SH3GL3: variants seen among roughly 807,000 people sequenced by gnomAD.
The protein encoded by SH3GL3 is SH3 domain containing GRB2 like 3, endophilin A3.
A neutral mutation model predicts 47.7 loss-of-function variants in SH3GL3; 33 were observed. The ratio of observed to expected loss-of-function variants is 0.69; its 90% CI spans 0.52 to 0.92. SH3GL3 has a LOEUF of 0.92. SH3GL3 is among the 40% of genes least tolerant of loss of function. The probability of loss-of-function intolerance (pLI) is 0.00; values close to 1 mark genes in which losing one functional copy is unlikely to be tolerated. For synonymous variants in SH3GL3, 155 were observed against 148.8 expected, an observed-to-expected ratio of 1.04 and a Z score of -0.30; for missense variants, 363 against 417.8, an observed-to-expected ratio of 0.87 and a Z score of 1.14.
At chr15:83,481,913 A>G (rs1194207050) in intron 1 of SH3GL3, among the ~76,000 whole-genome samples, 2 of 152,162 alleles carry the variant, frequency 1.3e-5, no homozygotes, top group Non-Finnish European at 2.9e-5. Context: ...TGTGGGAAGG[A>G]GTCATTTTAA....
chr15:83,541,565 C>T (rs565409937), intron 1 of SH3GL3, among the ~76,000 whole-genome samples: 2 of 151,974 alleles, frequency 1.3e-5, no homozygotes, highest in Non-Finnish European at 2.9e-5. Context: ...TGTTCTCCAT[C>T]GTGGTTGTAC....
At chr15:83,587,673 CA>C (rs2059990886) in intron 7 of SH3GL3, among the ~76,000 whole-genome samples, 1 of 151,920 alleles carries the variant, frequency 6.6e-6, no homozygotes, top group African/African-American at 2.4e-5. Flanking sequence ...TTGAAAGAGT[CA>C]AAAATATCTT....
chr15:83,558,967 T>C (rs763083398), intron 1 of SH3GL3, among the ~76,000 whole-genome samples: 18 of 152,240 alleles, frequency 1.2e-4, no homozygotes, highest in Non-Finnish European at 2.1e-4. Flanking sequence ...GGGTGAACTG[T>C]GTGTTCCTTG....
intron 1 of SH3GL3, among the ~76,000 whole-genome samples, chr15:83,479,928 A>G (rs915552236): frequency 6.6e-6 from 1 of 152,192 alleles, no homozygotes; most frequent in Non-Finnish European, 1.5e-5. Context: ...AATTGAACTG[A>G]TATGTGTAAG....
intron 1 of SH3GL3, among the ~76,000 whole-genome samples, chr15:83,523,357 T>C (rs2043286002): frequency 6.6e-6 from 1 of 152,136 alleles, no homozygotes; most frequent in Non-Finnish European, 1.5e-5. Context: ...AGGGCAGAGT[T>C]CTGTGGGAGA....
At chr15:83,461,146 C>G (rs908901599) in intron 1 of SH3GL3, among the ~76,000 whole-genome samples, 3 of 151,608 alleles carry the variant, frequency 2.0e-5, no homozygotes, top group African/African-American at 7.3e-5. Flanking sequence ...TTGTTTGTTA[C>G]AATGAATTCT....
At chr15:83,610,998 T>A (rs532152691) in intron 8 of SH3GL3, among the ~76,000 whole-genome samples, 21 of 149,774 alleles carry the variant, frequency 1.4e-4, no homozygotes, top group African/African-American at 5.1e-4. Context: ...TATATATATA[T>A]AATATGTATG....
At position 83,467,216 on chromosome 15, in the gene SH3GL3, T is replaced by A. The variant is rs186617398; in HGVS notation, c.45+19638T>A. Among the ~76,000 whole-genome samples the A allele has an allele frequency of 4.5e-3, 678 of 152,356 alleles. 6 individuals carry two copies. The highest frequency in any genetic ancestry group is 0.016 in the African/African-American group (654 of 41,594). On this transcript the variant is annotated intron_variant, in intron 1 of 8. Transcript: ENST00000427482. ...GTAATCCATTTTGAATTAATTTTTT[T>A]AATAAAGTGTGAGACTTAGGTTGTT... is the stretch of plus-strand genomic sequence containing the variant.
At chr15:83,464,952 C>A (rs2040491245) in intron 1 of SH3GL3, among the ~76,000 whole-genome samples, 1 of 150,186 alleles carries the variant, frequency 6.7e-6, no homozygotes, top group Non-Finnish European at 1.5e-5. Flanking sequence ...ATGTAACAAA[C>A]CTGCACATTG....
chr15:83,593,536 A>G (rs565258122), intron 8 of SH3GL3, among the ~76,000 whole-genome samples: 115 of 152,230 alleles, frequency 7.6e-4, no homozygotes, highest in African/African-American at 2.7e-3. Context: ...TGATTTTTGT[A>G]TATTGATCTT....
intron 1 of SH3GL3, among the ~76,000 whole-genome samples, chr15:83,461,216 C>T (rs2040281521): frequency 6.6e-6 from 1 of 152,132 alleles, no homozygotes; most frequent in Non-Finnish European, 1.5e-5. Context: ...TGATTTTTCT[C>T]ATAAAGTCAT....
intron 8 of SH3GL3, among the ~76,000 whole-genome samples, chr15:83,589,894 G>C (rs2060049930): frequency 6.6e-6 from 1 of 152,056 alleles, no homozygotes; most frequent in South Asian, 2.1e-4. Flanking sequence ...CTTTATCACT[G>C]TGCTGGCTAC....
intron 1 of SH3GL3, among the ~76,000 whole-genome samples, chr15:83,482,234 CCAT>C (rs1302018122): frequency 1.3e-5 from 2 of 152,028 alleles, no homozygotes; most frequent in African/African-American, 4.8e-5. Flanking sequence ...ATATATTAAT[CCAT>C]CATCATATAT....
chr15:83,501,538 T>A (rs2042293365), intron 1 of SH3GL3, among the ~76,000 whole-genome samples: 1 of 152,212 alleles, frequency 6.6e-6, no homozygotes, highest in African/African-American at 2.4e-5. Flanking sequence ...ATTTCGTGTT[T>A]GGGTGCAAGA....
chr15:83,581,254 C>T (rs932527010), intron 6 of SH3GL3, among the ~76,000 whole-genome samples: 1 of 152,184 alleles, frequency 6.6e-6, no homozygotes, highest in African/African-American at 2.4e-5. Context: ...GTTTTCTGGC[C>T]AACAGGCCAT....
intron 1 of SH3GL3, among the ~76,000 whole-genome samples, chr15:83,476,232 A>G (rs2041090146): frequency 6.6e-6 from 1 of 152,230 alleles, no homozygotes; most frequent in South Asian, 2.1e-4. Flanking sequence ...ATACAGTTGG[A>G]AAGTGATCTT....
chr15:83,467,930 C>T (rs1364565654), intron 1 of SH3GL3, among the ~76,000 whole-genome samples: 2 of 152,176 alleles, frequency 1.3e-5, no homozygotes, highest in Non-Finnish European at 2.9e-5. Context: ...CGGGTTGACG[C>T]CATTCTCCTG....
intron 1 of SH3GL3, among the ~76,000 whole-genome samples, chr15:83,541,312 ATTTTTTTTTTTTTTTT>A (rs71156085): frequency 1.4e-3 from 68 of 47,352 alleles, no homozygotes; most frequent in South Asian, 0.013. Flanking sequence ...TGGTAATTCT[ATTTTTTTTTTTTTTTT>A]TTTTTTTTTT....
intron 1 of SH3GL3, among the ~76,000 whole-genome samples, chr15:83,508,506 G>C (rs1264627531): frequency 6.6e-6 from 1 of 152,074 alleles, no homozygotes; most frequent in Non-Finnish European, 1.5e-5. Flanking sequence ...TGGGGCCTTA[G>C]TGTAAAGACT....
Sources: allele counts gnomAD v4.1 joint callset (sites outside exome capture counted in the v4.1 genomes callset), GRCh38; gene constraint gnomAD v4.1.1; transcripts MANE v1.5; gene names NCBI Gene and HGNC (gene_info 2026-07-23, HGNC 2026-07-21).